Variants in BANP observed in about 807,000 individuals in gnomAD.
BANP encodes the protein protein BANP.
Under a neutral mutation model 68.1 loss-of-function variants are expected in BANP, and 11 were observed. The observed-to-expected ratio is 0.16, with a 90% CI of 0.10 to 0.27. The LOEUF is 0.27. BANP is among the 10% of genes least tolerant of loss of function. The pLI, the probability that BANP is intolerant of heterozygous loss-of-function variation, is 1.00. For synonymous variants in BANP, 329 were observed against 303.2 expected (o/e 1.09, Z -0.88); for missense variants, 504 against 722.7 (o/e 0.70, Z 3.47).
intron 7 of BANP, among the ~76,000 whole-genome samples, chr16:88,019,687 C>T (rs1165799855): frequency 2.9e-5 from 2 of 69,580 alleles, no homozygotes; most frequent in African/African-American, 1.2e-4. Context: ...GGGGGCGGGG[C>T]GTCCGGGATC....
intron 13 of BANP, among the ~76,000 whole-genome samples, chr16:88,073,946 C>T (rs1178020983): frequency 4.6e-5 from 7 of 152,228 alleles, no homozygotes; most frequent in African/African-American, 9.6e-5. Context: ...AGGAAGACGG[C>T]GTGCTTAAGG....
At chr16:87,997,752 A>G (rs2067681662) in intron 4 of BANP, among the ~76,000 whole-genome samples, 1 of 152,258 alleles carries the variant, frequency 6.6e-6, no homozygotes, top group Admixed American at 6.5e-5. Flanking sequence ...TGGGTGAAAT[A>G]GCCAGGATGG....
chr16:88,023,101 C>A (rs562090783), intron 7 of BANP, among the ~76,000 whole-genome samples: 1 of 152,232 alleles, frequency 6.6e-6, no homozygotes, highest in South Asian at 2.1e-4. Context: ...AATGTGGACT[C>A]CATGCAGGGG....
chr16:88,001,408 A>T (rs7189404), intron 4 of BANP, among the ~76,000 whole-genome samples: 2 of 152,182 alleles, frequency 1.3e-5, no homozygotes, highest in East Asian at 1.9e-4. Context: ...ATGCACATAC[A>T]TGCGCAGCTG....
chr16:88,004,345 T>C lies in BANP; in HGVS notation c.413T>C (p.Ile138Thr). The C allele has an allele frequency of 1.3e-6, 2 of 1,550,650 alleles. No individual in the cohort carries two copies. Among genetic ancestry groups the C allele is most frequent in the Non-Finnish European group, 1.7e-6 (2 of 1,146,680 alleles). The change falls in exon 5 of 14, where the codon ATT becomes ACT. Residue 138 changes from isoleucine to threonine, a missense_variant. Transcript: ENST00000682872. This position sits in a 1 kb window ranked among gnomAD's most constrained non-coding sequence, Gnocchi z 7.0. ...CTCAACAATGATCGGCAGAACGCCA[T>C]TGTAGCCAAGATGGAAGACCCCTTG... ...VILNNDRQNA[I>T]VAKMEDPLSN...
At chr16:87,991,860 C>T (rs898925291) in intron 4 of BANP, among the ~76,000 whole-genome samples, 5 of 151,862 alleles carry the variant, frequency 3.3e-5, no homozygotes, top group African/African-American at 1.2e-4. Context: ...ATTTCTATAC[C>T]TTCTCTTACT....
intron 1 of BANP, among the ~76,000 whole-genome samples, chr16:87,972,695 G>C (rs1286963993): frequency 6.6e-6 from 1 of 152,158 alleles, no homozygotes; most frequent in Non-Finnish European, 1.5e-5. Flanking sequence ...AAATACAGCA[G>C]CTTCTTTTCT....
intron 2 of BANP, chr16:87,980,610 C>T: frequency 9.8e-6 from 2 of 203,542 alleles, no homozygotes; most frequent in South Asian, 7.5e-5. Context: ...TGTATTTTTT[C>T]CCCTTTTAGT....
chr16:88,061,231 C>T lies in BANP; in HGVS notation c.1312-4036C>T, dbSNP rs1419405094. Among the ~76,000 whole-genome samples the T allele has an allele frequency of 2.0e-5, 3 of 151,892 alleles. No individual in the cohort carries two copies. In the East Asian group the frequency reaches 5.8e-4, roughly 29 times the overall value. ...GCACCTTTGTGTGAATGTGGGGTCT[C>T]CCGGGGCATCTTGCCATCGCTCTGG... On this transcript the variant is annotated intron_variant, in intron 11 of 13. Transcript: ENST00000682872.
At chr16:88,038,052 G>T in intron 11 of BANP, 41 bp downstream of exon 11, 1 of 1,602,512 alleles carries the variant, frequency 6.2e-7, no homozygotes. Context: ...GCGTTGCGCT[G>T]CCGAGGGATG....
intron 7 of BANP, among the ~76,000 whole-genome samples, chr16:88,024,422 A>T (rs1296758159): frequency 6.6e-6 from 1 of 152,242 alleles, no homozygotes; most frequent in African/African-American, 2.4e-5. Flanking sequence ...ATAACATGAG[A>T]TCAAATGCTT....
chr16:87,968,801 A>G (rs2060589682), intron 1 of BANP, among the ~76,000 whole-genome samples: 1 of 152,118 alleles, frequency 6.6e-6, no homozygotes, highest in Admixed American at 6.6e-5. Context: ...GCGTAGGTGG[A>G]GTTGGAATGG....
intron 4 of BANP, among the ~76,000 whole-genome samples, chr16:87,989,533 C>T (rs1160178171): frequency 3.9e-5 from 6 of 152,234 alleles, no homozygotes; most frequent in Non-Finnish European, 8.8e-5. Flanking sequence ...GAGTGTTGCC[C>T]GTCAGGGGAT....
chr16:88,037,935 T>G (rs1227259723), intron 10 of BANP, 38 bp from the exon 11 acceptor site: 3 of 1,604,314 alleles, frequency 1.9e-6, no homozygotes, highest in Non-Finnish European at 1.7e-6. Context: ...CTTGGTGTGT[T>G]TCTACTCATG....
At chr16:88,021,956 G>C (rs1433346429) in intron 7 of BANP, among the ~76,000 whole-genome samples, 1 of 152,166 alleles carries the variant, frequency 6.6e-6, no homozygotes, top group Non-Finnish European at 1.5e-5. Context: ...AAGTCTCTAA[G>C]TACCACCTTC....
chr16:88,054,107 T>C (rs2084228519), intron 11 of BANP, among the ~76,000 whole-genome samples: 1 of 90,492 alleles, frequency 1.1e-5, no homozygotes, highest in Admixed American at 1.1e-4. Context: ...TCCATCATCA[T>C]CACCAGCACA....
chr16:88,008,737 T>C (rs1473591863), intron 6 of BANP, among the ~76,000 whole-genome samples: 1 of 152,234 alleles, frequency 6.6e-6, no homozygotes, highest in Non-Finnish European at 1.5e-5. Flanking sequence ...GAGCAGAGTT[T>C]TATAGCCATC....
In BANP at chr16:88,037,917, G is replaced by A. The variant is rs2079766383; in HGVS notation, c.1273-56G>A. The A allele has an allele frequency of 6.4e-6, 10 of 1,551,612 alleles. No homozygotes were observed. In the South Asian group the frequency reaches 1.1e-4, roughly 17 times the overall value. On this transcript the variant is annotated intron_variant, in intron 10 of 13. Coordinates refer to ENST00000682872, the MANE Select transcript of BANP (RefSeq NM_001386991.1). ...GTGTCTTGGCGTGTTTGCCGTGTCTGAGGGTGTCTTGGTGTGTTTCTACTC... is the reference window on the plus strand; with the variant it reads ...GTGTCTTGGCGTGTTTGCCGTGTCTAAGGGTGTCTTGGTGTGTTTCTACTC...
intron 2 of BANP, chr16:87,978,589 G>C (rs530683481): frequency 2.1e-6 from 1 of 469,666 alleles, no homozygotes; most frequent in Admixed American, 2.4e-5. Flanking sequence ...GGAGATGGTT[G>C]ATGCGCTCCC....
Sources: gnomAD v4.1 joint callset for allele counts (sites outside exome capture counted in the v4.1 genomes callset) on GRCh38, gnomAD v4.1.1 for gene constraint, Gnocchi (gnomAD v3.1) non-coding constraint, MANE v1.5 for transcripts, NCBI Gene and HGNC (gene_info 2026-07-23, HGNC 2026-07-21) for gene names.